The following CYP3A4 variants were observed in gnomAD, a reference collection of about 807,000 sequenced individuals.
CYP3A4 encodes the protein cytochrome P450 3A4.
In CYP3A4, 41 loss-of-function variants were observed where a neutral mutation model predicts 54.9. That is an observed-to-expected ratio of 0.75 (90% confidence interval 0.58 to 0.97). The LOEUF (loss-of-function observed/expected upper bound fraction) is 0.97, where lower values mean the gene tolerates loss of function less well. CYP3A4 is among the 50% of genes least tolerant of loss of function. The probability of loss-of-function intolerance (pLI) is 0.00; values close to 1 mark genes in which losing one functional copy is unlikely to be tolerated. For missense variants in CYP3A4, 510 were observed against 597.3 expected (o/e 0.85, Z 1.52); for synonymous variants, 179 against 205.2 (o/e 0.87, Z 1.09).
rs375059964 is a variant in CYP3A4, at chr7:99,784,022, C to T, written c.60G>A (p.Val20=). The T allele has an allele frequency of 8.7e-6, 14 of 1,613,672 alleles. No homozygotes were observed. The African/African-American group carries it at 1.5e-4, about 17-fold the overall frequency. Residue 20 remains valine, a synonymous_variant, in exon 1 of 13, where the codon GTG becomes GTA. Coordinates refer to ENST00000651514, the MANE Select transcript of CYP3A4 (RefSeq NM_017460.6). Reference sequence around the variant, plus strand: ...GGACAGTTACTCACAGATAGAGGAGCACCAGGCTGACAGCCAGGAGAAGCC... The same window carrying T: ...GGACAGTTACTCACAGATAGAGGAGTACCAGGCTGACAGCCAGGAGAAGCC... ...ETWLLLAVSL[V]LLYLYGTHSH...
At chr7:99,768,269 A>G in intron 7 of CYP3A4, 85 bp downstream of exon 7, 1 of 1,370,780 alleles carries the variant, frequency 7.3e-7, no homozygotes, top group Admixed American at 1.8e-5. Flanking sequence ...TTTTAAGTGG[A>G]TGAATTACAT....
intron 1 of CYP3A4, among the ~76,000 whole-genome samples, chr7:99,780,560 A>G (rs1243983072): frequency 6.6e-6 from 1 of 152,192 alleles, no homozygotes; most frequent in African/African-American, 2.4e-5. Flanking sequence ...CTGAGAGCCT[A>G]TGGTGACCCT....
At chr7:99,762,753 G>A (rs745424885) in intron 10 of CYP3A4, among the ~76,000 whole-genome samples, 12 of 152,072 alleles carry the variant, frequency 7.9e-5, no homozygotes, top group Non-Finnish European at 1.8e-4. Context: ...CAGAGAACAC[G>A]ATTTCAGTGC....
chr7:99,769,824 C>G lies in CYP3A4; in HGVS notation c.465G>C (p.Val155=). Reference sequence around the variant, plus strand: ...CTTCCCGCCTCAGATTTCTCACCAACACATCTCCATACTGGGCAATGATAG... The same window carrying G: ...CTTCCCGCCTCAGATTTCTCACCAAGACATCTCCATACTGGGCAATGATAG... The part of the protein sequence containing the change: ...MVPIIAQYGD[V]LVRNLRREAE... Residue 155 remains valine (V), a synonymous_variant, in exon 6 of 13, where the codon GTG becomes GTC. Coordinates refer to ENST00000651514, the MANE Select transcript of CYP3A4 (RefSeq NM_017460.6). 6.2e-7 allele frequency: 1 copy of G among 1,614,038 alleles called. No individual in the cohort carries two copies. The highest frequency in any genetic ancestry group is 8.5e-7 in the Non-Finnish European group (1 of 1,179,928).
intron 2 of CYP3A4, among the ~76,000 whole-genome samples, chr7:99,779,697 G>A (rs1160335464): frequency 1.3e-5 from 2 of 152,104 alleles, no homozygotes; most frequent in South Asian, 2.1e-4. Flanking sequence ...AACCTGCATA[G>A]AGCAAAAAGA....
intron 3 of CYP3A4, among the ~76,000 whole-genome samples, chr7:99,773,954 G>C (rs537510126): frequency 6.6e-6 from 1 of 151,762 alleles, no homozygotes; most frequent in African/African-American, 2.4e-5. Flanking sequence ...CTGCTAGCAA[G>C]ACTAATAAAG....
At chr7:99,758,299 G>A in intron 12 of CYP3A4, 71 bp from the exon 13 acceptor site, 1 of 1,524,590 alleles carries the variant, frequency 6.6e-7, no homozygotes, top group Non-Finnish European at 9.1e-7. Flanking sequence ...ATCAAAGTGA[G>A]TGAGACACTC....
chr7:99,767,758 T>C (rs537833409), intron 7 of CYP3A4, among the ~76,000 whole-genome samples: 1 of 152,088 alleles, frequency 6.6e-6, no homozygotes, highest in Non-Finnish European at 1.5e-5. Context: ...AAGTAACCAA[T>C]GAGTCAAAGT....
At position 99,769,750 on chromosome 7, in the gene CYP3A4, G is replaced by A. The variant is rs71534263; in HGVS notation, c.521+18C>T. The A allele has an allele frequency of 5.3e-4, 859 of 1,613,442 alleles. 1 individual carries two copies. The highest frequency in any genetic ancestry group is 6.7e-4 in the Non-Finnish European group (785 of 1,179,466). ...GGTTCATGACAGCTCAGAACCCCAT[G>A]GCTGCGCTTCTACTTACTCTTTCAA... On this transcript the variant is annotated intron_variant, in intron 6 of 12. Coordinates refer to ENST00000651514, the MANE Select transcript of CYP3A4 (RefSeq NM_017460.6).
intron 9 of CYP3A4, among the ~76,000 whole-genome samples, chr7:99,764,987 G>C (rs1323609013): frequency 6.6e-6 from 1 of 152,296 alleles, no homozygotes; most frequent in Admixed American, 6.5e-5. Flanking sequence ...TATAATGCCT[G>C]CTCCAACCAT....
chr7:99,768,646 C>T, intron 6 of CYP3A4, 144 bp from the exon 7 acceptor site: 1 of 1,502,648 alleles, frequency 6.7e-7, no homozygotes, highest in South Asian at 1.2e-5. Context: ...TTCTATCACA[C>T]TCCATCAGAA....
chr7:99,767,400 C>T, intron 7 of CYP3A4, 142 bp from the exon 8 acceptor site: 2 of 748,180 alleles, frequency 2.7e-6, no homozygotes, highest in Non-Finnish European at 4.1e-6. Context: ...CCTTCTATGA[C>T]TTTTGCCCCT....
chr7:99,772,481 A>G (rs1343860475), intron 4 of CYP3A4, 109 bp downstream of exon 4: 14 of 1,371,202 alleles, frequency 1.0e-5, no homozygotes, highest in Non-Finnish European at 1.3e-5. Context: ...GATGAAGTGG[A>G]CGTGGAACCT....
intron 1 of CYP3A4, among the ~76,000 whole-genome samples, chr7:99,780,772 A>G (rs942534730): frequency 6.6e-6 from 1 of 152,206 alleles, no homozygotes; most frequent in Admixed American, 6.5e-5. Context: ...GCTACACCTC[A>G]GTCTCTGTGA....
chr7:99,768,487 G>A lies in CYP3A4; in HGVS notation c.537C>T (p.Tyr179=), dbSNP rs2151558892. Residue 179 remains tyrosine (Y), a synonymous_variant, in exon 7 of 13, where the codon TAC becomes TAT. Transcript: ENST00000651514. Reference sequence around the variant, plus strand: ...ATGTGCTAGTGATCACATCCATGCTGTAGGCCCCAAAGACGCTGAGTGGAG... The same window carrying A: ...ATGTGCTAGTGATCACATCCATGCTATAGGCCCCAAAGACGCTGAGTGGAG... ...PVTLKDVFGA[Y]SMDVITSTSF... 1 of 1,613,846 alleles carries A rather than the reference G, an allele frequency of 6.2e-7. No individual in the cohort carries two copies. Among genetic ancestry groups the A allele is most frequent in the Non-Finnish European group, 8.5e-7 (1 of 1,179,884 alleles).
At position 99,768,448 on chromosome 7, in the gene CYP3A4, G is replaced by A. The variant is rs906783396; in HGVS notation, c.576C>T (p.Asn192=). Residue 192 remains asparagine, a synonymous_variant, in exon 7 of 13, where the codon AAC becomes AAT. Coordinates refer to ENST00000651514, the MANE Select transcript of CYP3A4 (RefSeq NM_017460.6). ...DVITSTSFGV[N]IDSLNNPQDP... ...CTTGTGGATTGTTGAGAGAGTCGAT[G>A]TTCACTCCAAATGATGTGCTAGTGA... 2 of 1,613,946 alleles carry A rather than the reference G, an allele frequency of 1.2e-6. No individual in the cohort carries two copies. The highest frequency in any genetic ancestry group is 2.2e-5 in the East Asian group (1 of 44,886).
At chr7:99,770,097 A>G in intron 5 of CYP3A4, 25 bp downstream of exon 5, 3 of 1,595,178 alleles carry the variant, frequency 1.9e-6, no homozygotes, top group Non-Finnish European at 2.6e-6. Context: ...TAAGTTTCTT[A>G]TTAAAACTCA....
At chr7:99,766,277 G>T in intron 9 of CYP3A4, 100 bp downstream of exon 9, 1 of 1,404,920 alleles carries the variant, frequency 7.1e-7, no homozygotes, top group Non-Finnish European at 9.9e-7. Context: ...CTGCTATGTG[G>T]CAGAAATTCT....
intron 6 of CYP3A4, 139 bp from the exon 7 acceptor site, chr7:99,768,641 T>C: frequency 6.6e-7 from 1 of 1,508,440 alleles, no homozygotes. Context: ...TCACCTTCTA[T>C]CACACTCCAT....
Sources: allele counts gnomAD v4.1 joint callset (sites outside exome capture counted in the v4.1 genomes callset), GRCh38; gene constraint gnomAD v4.1.1; transcripts MANE v1.5; gene names NCBI Gene and HGNC (gene_info 2026-07-23, HGNC 2026-07-21).